FGFR1: variants seen among roughly 807,000 people sequenced by gnomAD.
FGFR1 encodes FGFR1/PLAG1 fusion.
Under a neutral mutation model 93.7 loss-of-function variants are expected in FGFR1, and 18 were observed. The ratio of observed to expected loss-of-function variants is 0.19; its 90% confidence interval spans 0.13 to 0.28. The LOEUF (loss-of-function observed/expected upper bound fraction) is 0.28. FGFR1 is among the 10% of genes least tolerant of loss of function. The pLI, the probability that FGFR1 is intolerant of heterozygous loss-of-function variation, is 1.00. For missense variants in FGFR1, 731 were observed against 1,080.4 expected (o/e 0.68, Z 4.53); for synonymous variants, 448 against 429.3 (o/e 1.04, Z -0.54).
In FGFR1 at chr8:38,457,603, G is replaced by A. The variant is rs541362822; in HGVS notation, c.-88-69C>T. 5.5e-5 allele frequency: 81 copies of A among 1,468,390 alleles called. No homozygotes were observed. In the South Asian group the frequency reaches 9.7e-4, roughly 18 times the overall value. 91.0% of individuals were successfully genotyped at this position (1,468,390 alleles called of 1,614,324 possible). On this transcript the variant is annotated intron_variant, in intron 1 of 17. Transcript: ENST00000447712. Reference sequence around the variant, plus strand: ...AGGGGAGGGGAAAGGAAAAACAGAAGGTAAAGTATGCCATGTGGTGGCTGC... The same window carrying A: ...AGGGGAGGGGAAAGGAAAAACAGAAAGTAAAGTATGCCATGTGGTGGCTGC...
intron 2 of FGFR1, among the ~76,000 whole-genome samples, chr8:38,450,994 A>G (rs1830898785): frequency 6.6e-6 from 1 of 152,084 alleles, no homozygotes; most frequent in African/African-American, 2.4e-5. Context: ...CCTTCCAGGC[A>G]CTGGAGCCAC....
intron 6 of FGFR1, 139 bp downstream of exon 6, chr8:38,425,983 C>T: frequency 9.1e-7 from 1 of 1,100,200 alleles, no homozygotes; most frequent in East Asian, 2.4e-5. Context: ...GGAGAAGTGA[C>T]CTGCTCAAGG....
chr8:38,468,469 A>G lies in FGFR1; in HGVS notation c.-577T>C, dbSNP rs1382090460. The G allele has an allele frequency of 2.6e-5, 6 of 228,548 alleles. No homozygotes were observed. Among genetic ancestry groups the G allele is most frequent in the Admixed American group, 1.1e-4 (2 of 17,610 alleles). The allele number at this position is 228,548 out of a possible 1,614,324, so 14.2% of individuals were successfully genotyped here. A position where few individuals can be genotyped will look rare whatever the true frequency, so the allele number is the denominator to read the frequency against. ...GGCCGGGGAAGGCGAGGTCGCCGCAATGCGCTACGAGGGGTCTCGGTCCCG... is the reference window on the plus strand; with the variant it reads ...GGCCGGGGAAGGCGAGGTCGCCGCAGTGCGCTACGAGGGGTCTCGGTCCCG... On this transcript the variant is annotated 5_prime_UTR_variant, in exon 1 of 18. Coordinates refer to ENST00000447712, the MANE Select transcript of FGFR1 (RefSeq NM_023110.3).
chr8:38,452,063 A>G (rs1831235461), intron 2 of FGFR1, among the ~76,000 whole-genome samples: 1 of 151,996 alleles, frequency 6.6e-6, no homozygotes, highest in Non-Finnish European at 1.5e-5. Flanking sequence ...GTTTTCCTGG[A>G]ACCCTTATTA....
intron 16 of FGFR1, 27 bp from the exon 17 acceptor site, chr8:38,414,050 C>A (rs370495895): frequency 6.2e-7 from 1 of 1,613,704 alleles, no homozygotes; most frequent in Non-Finnish European, 8.5e-7. Context: ...AGGTCAGGGA[C>A]GTCTCCTGGA....
chr8:38,415,950 C>T lies in FGFR1; in HGVS notation c.1774G>A (p.Glu592Lys), dbSNP rs755002934. The stretch of plus-strand genomic sequence containing the variant: ...AGGTCCTTGGAGGAGAGCTGCTCCT[C>T]TGGGTTGTGGCTGGGGTTGTAGCAG... The part of the protein sequence containing the change: ...EYCYNPSHNP[E>K]EQLSSKDLVS... The change falls in exon 13 of 18, where the codon GAG becomes AAG. Residue 592 changes from glutamate (E) to lysine (K), a missense_variant. By Grantham distance (56) the Glu-to-Lys change is moderately conservative. This residue lies in a region of FGFR1 where 39 missense variants were observed against 39.2 expected (regional missense o/e 1.00). Coordinates refer to ENST00000447712, the MANE Select transcript of FGFR1 (RefSeq NM_023110.3). The T allele has an allele frequency of 5.6e-6, 9 of 1,614,000 alleles. No individual in the cohort carries two copies. The Admixed American group carries it at 1.2e-4, about 21-fold the overall frequency.
chr8:38,418,784 C>A (rs1586186723), intron 9 of FGFR1: 2 of 274,924 alleles, frequency 7.3e-6, no homozygotes, highest in East Asian at 1.8e-4. Flanking sequence ...CACACCTGTG[C>A]CATCTGTACC....
chr8:38,428,525 C>G, intron 3 of FGFR1, 90 bp from the exon 4 acceptor site: 2 of 989,674 alleles, frequency 2.0e-6, no homozygotes, highest in East Asian at 2.6e-5. Context: ...CACGGACACC[C>G]TCCCCATGGG....
In FGFR1 at chr8:38,461,711, T is replaced by A. The variant is rs1330187713; in HGVS notation, c.-88-4177A>T. Among the ~76,000 whole-genome samples the A allele has an allele frequency of 2.0e-5, 3 of 152,006 alleles. No individual in the cohort carries two copies. In the East Asian group the frequency reaches 5.8e-4, roughly 29 times the overall value. ...GTCACTTAACCGTTCTAAGCCTCGG[T>A]TTCCCACCTAGAGGAAGCCACATCA... is the stretch of plus-strand genomic sequence containing the variant. On this transcript the variant is annotated intron_variant, in intron 1 of 17. Transcript: ENST00000447712.
chr8:38,419,622 T>A lies in FGFR1; in HGVS notation c.1195A>T (p.Met399Leu), dbSNP rs1416395686. 6.2e-7 allele frequency: 1 copy of A among 1,613,918 alleles called. No homozygotes were observed. The highest frequency in any genetic ancestry group is 1.3e-5 in the African/African-American group (1 of 74,880). ...CMVGSVIVYK[M>L]KSGTKKSDFH... is the part of the protein sequence containing the mutation. ...TCACTCTTCTTGGTACCACTCTTCATCTTGTAGACGATGACCGACCCCACC... is the reference window on the plus strand; with the variant it reads ...TCACTCTTCTTGGTACCACTCTTCAACTTGTAGACGATGACCGACCCCACC... The change falls in exon 9 of 18, where the codon ATG becomes TTG. Residue 399 changes from methionine to leucine, a missense_variant. Transcript: ENST00000447712.
chr8:38,415,564 C>T (rs919684729), intron 13 of FGFR1, among the ~76,000 whole-genome samples: 10 of 151,880 alleles, frequency 6.6e-5, no homozygotes, highest in Admixed American at 3.9e-4. Context: ...GGCCACTGCA[C>T]CCAGCTGATA....
At chr8:38,450,390 C>G (rs1199472080) in intron 2 of FGFR1, among the ~76,000 whole-genome samples, 1 of 152,138 alleles carries the variant, frequency 6.6e-6, no homozygotes, top group African/African-American at 2.4e-5. Flanking sequence ...TGAGCTGGAG[C>G]CCCCAGTGGC....
rs184414118 is a variant in FGFR1, at chr8:38,464,568, T to C, written c.-89+3413A>G. Among the ~76,000 whole-genome samples, 150 of 152,164 alleles carry C rather than the reference T, an allele frequency of 9.9e-4. 1 individual carries two copies. The highest frequency in any genetic ancestry group is 1.5e-3 in the Non-Finnish European group (102 of 67,998). On this transcript the variant is annotated intron_variant, in intron 1 of 17. Coordinates refer to ENST00000447712, the MANE Select transcript of FGFR1 (RefSeq NM_023110.3). ...ATGCAACCTTAGGAGGAAAAACAAA[T>C]ATCCTAGCCCAAGTCTGACATTTCA...
rs142505235 is a variant in FGFR1 at position 38,454,764 on chromosome 8, G to A, written c.91+2592C>T. On this transcript the variant is annotated intron_variant, in intron 2 of 17. Transcript: ENST00000447712. ...GTTTTACAGATGAGCAAACTGTGAC[G>A]TATGGTGTTTGAGTAGTTTGTTGAA... Among the ~76,000 whole-genome samples, 36 of 152,244 alleles carry A rather than the reference G, an allele frequency of 2.4e-4. No homozygotes were observed. In the East Asian group the frequency reaches 5.2e-3, roughly 22 times the overall value.
rs1461740088 is a variant in FGFR1, at chr8:38,468,544, T to C, written c.-652A>G. 1 of 228,552 alleles carries C rather than the reference T, an allele frequency of 4.4e-6. No homozygotes were observed. Among genetic ancestry groups the C allele is most frequent in the Admixed American group, 5.7e-5 (1 of 17,598 alleles). The allele number at this position is 228,552 out of a possible 1,614,324, so 14.2% of individuals were successfully genotyped here. ...GGCACACCCGGGTTCCTCCGCGCGC[T>C]GCGGCTGCACCGGCGTCCCGGCTCC... On this transcript the variant is annotated 5_prime_UTR_variant, in exon 1 of 18. Transcript: ENST00000447712.
chr8:38,414,646 G>A lies in FGFR1; in HGVS notation c.1978-17C>T, dbSNP rs750042204. ...CAGTCGGCCCTGAAAGCAGCACAGG[G>A]GAGGTTGGAGTGGCCCCAGGCAGGG... On this transcript the variant is annotated splice_polypyrimidine_tract_variant and intron_variant, in intron 14 of 17. Transcript: ENST00000447712. 21 of 1,613,690 alleles carry A rather than the reference G, an allele frequency of 1.3e-5. No homozygotes were observed. The highest frequency in any genetic ancestry group is 3.3e-5 in the Admixed American group (2 of 60,004).
rs2280846 is a variant in FGFR1, at chr8:38,424,776, C to T, written c.746-77G>A. On this transcript the variant is annotated intron_variant, in intron 6 of 17. Coordinates refer to ENST00000447712, the MANE Select transcript of FGFR1 (RefSeq NM_023110.3). This position sits in a 1 kb window ranked among gnomAD's most constrained non-coding sequence, Gnocchi z 4.3. ...AAGAGGGGTGGGCTCACCTGCGCCC[C>T]ACTTGGCTTTCCCAGTGATGGGTTG... The T allele has an allele frequency of 0.093, 138,903 of 1,494,304 alleles. 8,526 individuals are homozygous for T. The highest frequency in any genetic ancestry group is 0.3 in the East Asian group (13,300 of 43,780). 92.6% of individuals were successfully genotyped at this position (1,494,304 alleles called of 1,614,324 possible). A position where few individuals can be genotyped will look rare whatever the true frequency, so the allele number is the denominator to read the frequency against.
chr8:38,413,595 C>T lies in FGFR1; in HGVS notation c.*33G>A, dbSNP rs369397371. ...GGCTGTGGGTGAGGGTTACAGCTGA[C>T]GGTGGAGTCTGGGGAGGGCGTGTGG... On this transcript the variant is annotated 3_prime_UTR_variant, in exon 18 of 18. Transcript: ENST00000447712. This position sits in a 1 kb window ranked among gnomAD's most constrained non-coding sequence, Gnocchi z 4.2. 3.0e-5 allele frequency: 47 copies of T among 1,582,430 alleles called. No homozygotes were observed. Among genetic ancestry groups the T allele is most frequent in the African/African-American group, 1.2e-4 (9 of 74,648 alleles).
chr8:38,466,397 G>C (rs1408783212), intron 1 of FGFR1: 4 of 231,778 alleles, frequency 1.7e-5, no homozygotes, highest in Admixed American at 1.1e-4. Flanking sequence ...GTCAAGGCCA[G>C]TTCTGGCCAG....
Sources: gnomAD v4.1 joint callset for allele counts (sites outside exome capture counted in the v4.1 genomes callset) on GRCh38, gnomAD v4.1.1 for gene constraint, gnomAD v4.1.1 regional missense constraint, Gnocchi (gnomAD v3.1) non-coding constraint, MANE v1.5 for transcripts, NCBI Gene and HGNC (gene_info 2026-07-23, HGNC 2026-07-21) for gene names.